FRAS1: variants seen among roughly 807,000 people sequenced by gnomAD.
FRAS1 encodes the protein Fraser extracellular matrix complex subunit 1.
Under a neutral mutation model 435.2 loss-of-function variants are expected in FRAS1, and 290 were observed. The observed-to-expected ratio is 0.67, with a 90% CI of 0.61 to 0.73. The LOEUF (loss-of-function observed/expected upper bound fraction) is 0.73, where lower values mean the gene tolerates loss of function less well. FRAS1 is among the 30% of genes least tolerant of loss of function. The pLI is 0.00. For missense variants in FRAS1, 4,860 were observed against 5,001.5 expected, an observed-to-expected ratio of 0.97 and a Z score of 0.85; for synonymous variants, 1,800 against 1,851.0, an observed-to-expected ratio of 0.97 and a Z score of 0.71.
chr4:78,500,504 A>G (rs1356165078), intron 61 of FRAS1, among the ~76,000 whole-genome samples: 1 of 152,220 alleles, frequency 6.6e-6, no homozygotes, highest in African/African-American at 2.4e-5. Context: ...GGGGAGAATG[A>G]AACAGGAAAA....
rs1722046730 is a variant in FRAS1 at position 78,541,362 on chromosome 4, C to T, written c.*238C>T. The T allele has an allele frequency of 8.6e-6, 3 of 349,578 alleles. No homozygotes were observed. Among genetic ancestry groups the T allele is most frequent in the Non-Finnish European group, 1.5e-5 (3 of 195,834 alleles). 21.7% of individuals were successfully genotyped at this position (349,578 alleles called of 1,614,324 possible). On this transcript the variant is annotated 3_prime_UTR_variant, in exon 74 of 74. Transcript: ENST00000512123. ...CTTTAATAGTGTCAACAACTGTACA[C>T]AGCTCCTTCTGTAAGGCTGGTCTTA...
intron 2 of FRAS1, among the ~76,000 whole-genome samples, chr4:78,164,788 A>C (rs1240296380): frequency 6.6e-6 from 1 of 152,190 alleles, no homozygotes; most frequent in East Asian, 1.9e-4. Flanking sequence ...TTTAAAAAGT[A>C]ACATCTTACT....
intron 2 of FRAS1, among the ~76,000 whole-genome samples, chr4:78,111,981 G>A (rs1742746009): frequency 1.3e-5 from 2 of 152,038 alleles, no homozygotes; most frequent in Admixed American, 6.6e-5. Context: ...ACTTAAGAAT[G>A]TATGTTTTAA....
intron 2 of FRAS1, among the ~76,000 whole-genome samples, chr4:78,084,101 T>C (rs1741030813): frequency 6.6e-6 from 1 of 152,114 alleles, no homozygotes. Context: ...ACTTTAAAAA[T>C]GGTATTACAG....
At chr4:78,456,440 C>A (rs1213093531) in intron 47 of FRAS1, among the ~76,000 whole-genome samples, 2 of 152,080 alleles carry the variant, frequency 1.3e-5, no homozygotes, top group African/African-American at 4.8e-5. Context: ...ATGTACCAGG[C>A]CTCAAATAAC....
chr4:78,470,150 C>A, intron 51 of FRAS1, 59 bp downstream of exon 51: 1 of 1,078,446 alleles, frequency 9.3e-7, no homozygotes, highest in Non-Finnish European at 1.4e-6. Context: ...TCCTTCTTCA[C>A]GACAATGACT....
chr4:78,216,508 A>G (rs890392787), intron 2 of FRAS1, among the ~76,000 whole-genome samples: 4 of 152,158 alleles, frequency 2.6e-5, no homozygotes, highest in African/African-American at 9.7e-5. Flanking sequence ...TGAGTGATCT[A>G]TTTCTTGGAA....
intron 59 of FRAS1, 33 bp downstream of exon 59, chr4:78,489,113 T>C: frequency 6.3e-7 from 1 of 1,576,354 alleles, no homozygotes; most frequent in Non-Finnish European, 8.7e-7. Flanking sequence ...AAAGATGAGA[T>C]TCTCTTATTG....
chr4:78,224,838 T>C (rs1019109788), intron 2 of FRAS1, among the ~76,000 whole-genome samples: 1 of 152,190 alleles, frequency 6.6e-6, no homozygotes, highest in Admixed American at 6.5e-5. Context: ...GGCTGGCATA[T>C]AACTTTTGTA....
At chr4:78,219,862 C>G (rs540486963) in intron 2 of FRAS1, among the ~76,000 whole-genome samples, 156 of 152,218 alleles carry the variant, frequency 1.0e-3, no homozygotes, top group African/African-American at 3.5e-3. Flanking sequence ...TTGTTTTGCT[C>G]TGTGATAGGC....
chr4:78,363,253 C>T (rs375803955), intron 20 of FRAS1, among the ~76,000 whole-genome samples: 10 of 152,266 alleles, frequency 6.6e-5, no homozygotes, highest in African/African-American at 2.4e-4. Context: ...ACGTGACACC[C>T]TCGTATCTAA....
chr4:78,183,732 T>TTGTGTGTGTGTGTGTGTGTGTGTG (rs3974339), intron 2 of FRAS1, among the ~76,000 whole-genome samples: 2 of 136,940 alleles, frequency 1.5e-5, no homozygotes, highest in Non-Finnish European at 1.6e-5. Context: ...TTCATTCTCT[T>TTGTGTGTGTGTGTGTGTGTGTGTG]TGTGTGTGTG....
chr4:78,284,538 T>TC lies in FRAS1; in HGVS notation c.1390dup (p.Leu464ProfsTer52). 1 of 1,611,202 alleles carries TC rather than the reference T, an allele frequency of 6.2e-7. No individual in the cohort carries two copies. The highest frequency in any genetic ancestry group is 8.5e-7 in the Non-Finnish European group (1 of 1,178,698). ...GACTGGGTTTTTACCAAGCTGGCAG[T>TC]CTCTGTTTAGGTATGGCTCCAAGTG... On this transcript the variant is annotated frameshift_variant, in exon 13 of 74. Transcript: ENST00000512123. LOFTEE classifies it high-confidence loss of function.
chr4:78,379,614 A>G (rs1731927968), intron 26 of FRAS1, 112 bp from the exon 27 acceptor site: 2 of 1,007,020 alleles, frequency 2.0e-6, no homozygotes, highest in South Asian at 3.0e-5. Flanking sequence ...TTTTGTGTTT[A>G]TTCTCTGGAA....
chr4:78,460,737 A>G (rs1719345646), intron 47 of FRAS1, among the ~76,000 whole-genome samples: 1 of 152,246 alleles, frequency 6.6e-6, no homozygotes, highest in Admixed American at 6.5e-5. Flanking sequence ...TGAATACTGT[A>G]GACAATTGTA....
chr4:78,449,645 C>G (rs528438875), intron 44 of FRAS1, among the ~76,000 whole-genome samples: 5 of 152,290 alleles, frequency 3.3e-5, no homozygotes, highest in African/African-American at 1.2e-4. Context: ...CCCAGAGGCT[C>G]AGATCTCCTT....
At chr4:78,204,683 C>T (rs1010126905) in intron 2 of FRAS1, among the ~76,000 whole-genome samples, 7 of 152,150 alleles carry the variant, frequency 4.6e-5, no homozygotes, top group Admixed American at 4.6e-4. Context: ...CCACAAAGTG[C>T]ACCATATGGA....
At chr4:78,075,739 G>A (rs1740607264) in intron 2 of FRAS1, among the ~76,000 whole-genome samples, 1 of 152,174 alleles carries the variant, frequency 6.6e-6, no homozygotes, top group Admixed American at 6.5e-5. Flanking sequence ...ATAGATGCTC[G>A]CAATTGAGAA....
At chr4:78,166,456 A>G (rs1345056552) in intron 2 of FRAS1, among the ~76,000 whole-genome samples, 1 of 152,198 alleles carries the variant, frequency 6.6e-6, no homozygotes, top group East Asian at 1.9e-4. Context: ...TTATATTTAT[A>G]CATATGAAGA....
Sources: allele counts gnomAD v4.1 joint callset (sites outside exome capture counted in the v4.1 genomes callset), GRCh38; gene constraint gnomAD v4.1.1; transcripts MANE v1.5; gene names NCBI Gene and HGNC (gene_info 2026-07-23, HGNC 2026-07-21).